The following PARD3B variants were observed in gnomAD, a reference collection of about 807,000 sequenced individuals.
PARD3B encodes the protein partitioning defective 3 homolog B.
In PARD3B, 103 loss-of-function variants were observed where a neutral mutation model predicts 130.2. The observed-to-expected ratio is 0.79, with a 90% confidence interval of 0.67 to 0.93. PARD3B has a LOEUF of 0.93. Ranked by LOEUF, PARD3B falls within the 40% of genes least tolerant of loss-of-function variation. PARD3B has a pLI of 0.00. For missense variants in PARD3B, 1,609 were observed against 1,499.2 expected, an observed-to-expected ratio of 1.07 and a Z score of -1.21; for synonymous variants, 583 against 553.2, an observed-to-expected ratio of 1.05 and a Z score of -0.76.
At chr2:205,037,599 A>G (rs554893861) in intron 3 of PARD3B, among the ~76,000 whole-genome samples, 5 of 148,316 alleles carry the variant, frequency 3.4e-5, no homozygotes, top group African/African-American at 9.8e-5. Flanking sequence ...TCGACTATAT[A>G]TATTTTATAT....
At chr2:205,175,679 C>A (rs2035425737) in intron 12 of PARD3B, among the ~76,000 whole-genome samples, 2 of 152,072 alleles carry the variant, frequency 1.3e-5, no homozygotes, top group African/African-American at 4.8e-5. Context: ...GTTATTGAGA[C>A]AAATAATACG....
chr2:204,716,909 A>G (rs1559084139), intron 2 of PARD3B, among the ~76,000 whole-genome samples: 1 of 152,148 alleles, frequency 6.6e-6, no homozygotes, highest in Non-Finnish European at 1.5e-5. Context: ...GGCGTGAGCC[A>G]CCGCACCCGG....
At chr2:205,481,137 G>A (rs185614553) in intron 20 of PARD3B, among the ~76,000 whole-genome samples, 2 of 152,302 alleles carry the variant, frequency 1.3e-5, no homozygotes, top group Admixed American at 6.5e-5. Context: ...TAGGCTAAAC[G>A]TGATGACAAG....
intron 2 of PARD3B, among the ~76,000 whole-genome samples, chr2:204,959,301 CA>C (rs1690543456): frequency 6.6e-6 from 1 of 152,190 alleles, no homozygotes; most frequent in Non-Finnish European, 1.5e-5. Flanking sequence ...CTGCAAAGGA[CA>C]TGAACTCATT....
chr2:204,679,860 CTT>C (rs1238776643), intron 1 of PARD3B, among the ~76,000 whole-genome samples: 2 of 151,772 alleles, frequency 1.3e-5, no homozygotes, highest in Non-Finnish European at 2.9e-5. Flanking sequence ...TGATTTTTGA[CTT>C]TTAAATAACT....
At chr2:205,386,395 G>A (rs111343607) in intron 18 of PARD3B, among the ~76,000 whole-genome samples, 1,708 of 152,256 alleles carry the variant, frequency 0.011, 14 homozygotes, top group Middle Eastern at 0.024. Context: ...CTAACCAATT[G>A]AGCTAAATAA....
intron 1 of PARD3B, among the ~76,000 whole-genome samples, chr2:204,685,123 G>A (rs916013853): frequency 2.6e-5 from 4 of 152,118 alleles, no homozygotes; most frequent in African/African-American, 4.8e-5. Flanking sequence ...ATTGAATTCC[G>A]TGGGTTATAT....
chr2:204,545,945 C>A lies in PARD3B; in HGVS notation c.-55C>A. On this transcript the variant is annotated 5_prime_UTR_variant, in exon 1 of 23. Transcript: ENST00000406610. ...GCGTCCTCCGAGAGTGGGGGCTGCG[C>A]CCGCGGGGTCAGACACCTGTTCGGC... 6.8e-7 allele frequency: 1 copy of A among 1,473,542 alleles called. No homozygotes were observed. Among genetic ancestry groups the A allele is most frequent in the South Asian group, 1.4e-5 (1 of 73,542 alleles). The allele number at this position is 1,473,542 out of a possible 1,614,324, so 91.3% of individuals were successfully genotyped here.
At chr2:204,699,028 A>G (rs2037753867) in intron 2 of PARD3B, among the ~76,000 whole-genome samples, 1 of 152,252 alleles carries the variant, frequency 6.6e-6, no homozygotes, top group Non-Finnish European at 1.5e-5. Context: ...ATGAGATCAT[A>G]ATGTGGTTAA....
At chr2:204,791,844 A>G (rs2042216694) in intron 2 of PARD3B, among the ~76,000 whole-genome samples, 1 of 152,176 alleles carries the variant, frequency 6.6e-6, no homozygotes, top group African/African-American at 2.4e-5. Context: ...TATGATCTCA[A>G]CTTGATTTTC....
At chr2:204,723,135 A>G (rs1250073020) in intron 2 of PARD3B, among the ~76,000 whole-genome samples, 3 of 152,118 alleles carry the variant, frequency 2.0e-5, no homozygotes, top group African/African-American at 7.2e-5. Context: ...ATTGTTATAG[A>G]TCCATCTTTT....
chr2:205,493,329 C>CT (rs374983866), intron 20 of PARD3B, among the ~76,000 whole-genome samples: 1 of 152,052 alleles, frequency 6.6e-6, no homozygotes, highest in African/African-American at 2.4e-5. Context: ...ACAAAGAACA[C>CT]TCCCCCTGTG....
At chr2:204,910,186 A>G (rs2047182174) in intron 2 of PARD3B, among the ~76,000 whole-genome samples, 1 of 152,208 alleles carries the variant, frequency 6.6e-6, no homozygotes, top group Non-Finnish European at 1.5e-5. Flanking sequence ...TTGGCAAATA[A>G]GTAAGAGGTT....
intron 18 of PARD3B, among the ~76,000 whole-genome samples, chr2:205,371,286 C>T (rs2105907964): frequency 1.3e-5 from 2 of 152,234 alleles, no homozygotes; most frequent in South Asian, 4.2e-4. Context: ...CATTGAGAAT[C>T]TTAACACATC....
intron 1 of PARD3B, among the ~76,000 whole-genome samples, chr2:204,563,319 C>G (rs1419387859): frequency 6.9e-6 from 1 of 145,046 alleles, no homozygotes; most frequent in Non-Finnish European, 1.5e-5. Context: ...AGGGTCCACC[C>G]TAATGACCTC....
At chr2:205,042,252 A>T (rs1698443082) in intron 3 of PARD3B, among the ~76,000 whole-genome samples, 1 of 152,126 alleles carries the variant, frequency 6.6e-6, no homozygotes, top group Non-Finnish European at 1.5e-5. Flanking sequence ...TAAAATAGTG[A>T]TTACTGGAGA....
intron 21 of PARD3B, among the ~76,000 whole-genome samples, chr2:205,541,345 T>C (rs2106459946): frequency 9.6e-6 from 1 of 104,656 alleles, no homozygotes; most frequent in Non-Finnish European, 2.0e-5. Context: ...CACAGAAACT[T>C]TGTTTTTTTT....
At chr2:204,915,309 T>G (rs916441868) in intron 2 of PARD3B, among the ~76,000 whole-genome samples, 1 of 152,156 alleles carries the variant, frequency 6.6e-6, no homozygotes, top group Non-Finnish European at 1.5e-5. Context: ...TAAAATTTAA[T>G]TTTAATTTTA....
At chr2:204,758,071 A>C (rs1456818632) in intron 2 of PARD3B, among the ~76,000 whole-genome samples, 1 of 152,174 alleles carries the variant, frequency 6.6e-6, no homozygotes, top group African/African-American at 2.4e-5. Flanking sequence ...AGTTGGGGCC[A>C]CACCATATGC....
Sources: gnomAD v4.1 joint callset for allele counts (sites outside exome capture counted in the v4.1 genomes callset) on GRCh38, gnomAD v4.1.1 for gene constraint, MANE v1.5 for transcripts, NCBI Gene and HGNC (gene_info 2026-07-23, HGNC 2026-07-21) for gene names.